ANXA5: variants seen among roughly 807,000 people sequenced by gnomAD.
The protein encoded by ANXA5 is annexin A5.
ANXA5 carries 40 observed loss-of-function variants against 48.1 expected under a neutral mutation model. The ratio of observed to expected loss-of-function variants is 0.83; its 90% CI spans 0.65 to 1.08. The LOEUF is 1.08. Among genes scored for constraint, ANXA5 ranks in the 50% least tolerant of loss-of-function variants. The pLI, the probability that ANXA5 is intolerant of heterozygous loss-of-function variation, is 0.00. For missense variants in ANXA5, 357 were observed against 376.8 expected (o/e 0.95, Z 0.44); for synonymous variants, 113 against 129.1 (o/e 0.88, Z 0.85).
At chr4:121,674,182 AGGGAG>A (rs1204861453) in intron 8 of ANXA5, among the ~76,000 whole-genome samples, 5 of 74,116 alleles carry the variant, frequency 6.7e-5, no homozygotes, top group Admixed American at 1.6e-4. Context: ...AAAGGGGAAG[AGGGAG>A]GGGAGGGGAG....
chr4:121,675,676 T>C (rs1035451951), intron 8 of ANXA5, among the ~76,000 whole-genome samples: 9 of 152,222 alleles, frequency 5.9e-5, no homozygotes, highest in Non-Finnish European at 1.2e-4. Context: ...AATGGTTATA[T>C]CCACTGCATG....
chr4:121,686,667 C>T (rs1304171219), intron 2 of ANXA5, among the ~76,000 whole-genome samples: 1 of 152,176 alleles, frequency 6.6e-6, no homozygotes. Flanking sequence ...GAGGGCACAT[C>T]TTTGCAGGTT....
At chr4:121,671,349 A>T (rs1724609485) in intron 10 of ANXA5, among the ~76,000 whole-genome samples, 198 bp downstream of exon 10, 1 of 152,240 alleles carries the variant, frequency 6.6e-6, no homozygotes, top group Non-Finnish European at 1.5e-5. Flanking sequence ...CATAGGATTT[A>T]GATGAACTAA....
intron 2 of ANXA5, among the ~76,000 whole-genome samples, chr4:121,688,352 T>G (rs897377624): frequency 3.9e-5 from 6 of 152,160 alleles, no homozygotes; most frequent in African/African-American, 1.4e-4. Flanking sequence ...TGGCCTGCCT[T>G]CAGCAAGAAT....
At chr4:121,678,792 C>T (rs1012444684) in intron 6 of ANXA5, among the ~76,000 whole-genome samples, 5 of 152,196 alleles carry the variant, frequency 3.3e-5, no homozygotes, top group African/African-American at 9.7e-5. Context: ...ACTGGAAAGT[C>T]TCCAAAACAC....
chr4:121,687,157 G>A (rs577997241), intron 2 of ANXA5, among the ~76,000 whole-genome samples: 4 of 151,958 alleles, frequency 2.6e-5, no homozygotes, highest in South Asian at 4.2e-4. Context: ...AAAATTAACC[G>A]GGTGTGGTGG....
In ANXA5 at chr4:121,672,577, A is replaced by C; in HGVS notation, c.581T>G (p.Phe194Cys). Residue 194 changes from phenylalanine to cysteine, a missense_variant, in exon 9 of 13, where the codon TTT becomes TGT. By Grantham distance (205) the Phe-to-Cys change is radical (BLOSUM62 -2). Transcript: ENST00000296511. ...ACTTCGTGTTCCAAAGATGGTGATA[A>C]ACTTTTCTTCATCTGTCCCCCATTT... ...ELKWGTDEEK[F>C]ITIFGTRSVS... The C allele has an allele frequency of 6.2e-7, 1 of 1,613,918 alleles. No individual in the cohort carries two copies. Among genetic ancestry groups the C allele is most frequent in the Non-Finnish European group, 8.5e-7 (1 of 1,179,902 alleles).
chr4:121,676,802 T>C (rs557706342), intron 8 of ANXA5, among the ~76,000 whole-genome samples: 41 of 151,870 alleles, frequency 2.7e-4, no homozygotes, highest in African/African-American at 8.7e-4. Flanking sequence ...AGAGAGAGCA[T>C]GTGAGAGAGG....
At chr4:121,679,962 C>T (rs1023627484) in intron 6 of ANXA5, among the ~76,000 whole-genome samples, 5 of 152,138 alleles carry the variant, frequency 3.3e-5, no homozygotes, top group Admixed American at 2.6e-4. Context: ...ATAGTCACCA[C>T]GCTGTTCATG....
chr4:121,684,612 T>G (rs1014608162), intron 4 of ANXA5, 65 bp downstream of exon 4: 9 of 1,349,306 alleles, frequency 6.7e-6, no homozygotes, highest in Non-Finnish European at 9.4e-6. Context: ...ATCAGTATAT[T>G]CCAAACTAGT....
At chr4:121,679,933 T>A (rs1041262184) in intron 6 of ANXA5, among the ~76,000 whole-genome samples, 1 of 152,154 alleles carries the variant, frequency 6.6e-6, no homozygotes, top group Admixed American at 6.5e-5. Flanking sequence ...TTCAAGCATA[T>A]AATAGTTATA....
intron 8 of ANXA5, among the ~76,000 whole-genome samples, chr4:121,674,422 T>C (rs1724664326): frequency 6.6e-6 from 1 of 152,188 alleles, no homozygotes; most frequent in Non-Finnish European, 1.5e-5. Context: ...TTACTACTTC[T>C]GGTATGTTTC....
At chr4:121,671,492 A>G (rs753803969) in intron 10 of ANXA5, 55 bp downstream of exon 10, 117 of 1,317,948 alleles carry the variant, frequency 8.9e-5, no homozygotes, top group Non-Finnish European at 1.1e-4. Context: ...CCTCAATTGA[A>G]TAAAATGCTT....
At chr4:121,674,580 T>C (rs1578440966) in intron 8 of ANXA5, among the ~76,000 whole-genome samples, 1 of 152,076 alleles carries the variant, frequency 6.6e-6, no homozygotes, top group East Asian at 1.9e-4. Flanking sequence ...GAGTTAAGCC[T>C]GTTATATGGG....
intron 12 of ANXA5, 122 bp from the exon 13 acceptor site, chr4:121,668,649 G>T: frequency 1.3e-6 from 1 of 761,882 alleles, no homozygotes; most frequent in Non-Finnish European, 2.3e-6. Flanking sequence ...TAATCTCTGT[G>T]ACTTTCACAT....
intron 5 of ANXA5, among the ~76,000 whole-genome samples, chr4:121,682,659 A>T (rs184714887): frequency 1.4e-3 from 208 of 152,266 alleles, no homozygotes; most frequent in African/African-American, 4.9e-3. Context: ...TCCTATCAGG[A>T]TGACCCTTCT....
Position 121,668,432 on chromosome 4 carries a change from G to A in ANXA5, c.*36C>T. The A allele has an allele frequency of 6.2e-7, 1 of 1,601,470 alleles. No individual in the cohort carries two copies. The highest frequency in any genetic ancestry group is 8.6e-7 in the Non-Finnish European group (1 of 1,168,898). On this transcript the variant is annotated 3_prime_UTR_variant, in exon 13 of 13. Transcript: ENST00000296511. Reference sequence around the variant, plus strand: ...TGCTGAAGGAAGGCAGTGGGGTGGTGCAGGCACACAGCAGGGAGCTCTTCC... The same window carrying A: ...TGCTGAAGGAAGGCAGTGGGGTGGTACAGGCACACAGCAGGGAGCTCTTCC...
intron 5 of ANXA5, among the ~76,000 whole-genome samples, chr4:121,682,974 T>C (rs1724817473): frequency 6.6e-6 from 1 of 152,170 alleles, no homozygotes; most frequent in African/African-American, 2.4e-5. Flanking sequence ...TCTCTGAAGC[T>C]TTACCTTTTA....
intron 11 of ANXA5, 109 bp from the exon 12 acceptor site, chr4:121,669,833 C>T (rs1473897022): frequency 2.7e-6 from 4 of 1,467,300 alleles, no homozygotes; most frequent in Non-Finnish European, 3.7e-6. Flanking sequence ...TTTAGTAGAA[C>T]TGGGTTGAAT....
Sources: allele counts gnomAD v4.1 joint callset (sites outside exome capture counted in the v4.1 genomes callset), GRCh38; gene constraint gnomAD v4.1.1; transcripts MANE v1.5; gene names NCBI Gene and HGNC (gene_info 2026-07-23, HGNC 2026-07-21).